Variants in PRKCA observed in about 807,000 individuals in gnomAD.
The protein encoded by PRKCA is protein kinase C alpha.
Under a neutral mutation model 87.0 loss-of-function variants are expected in PRKCA, and 27 were observed. The observed-to-expected ratio is 0.31, with a 90% confidence interval of 0.23 to 0.43. The LOEUF is 0.43. Ranked by LOEUF, PRKCA falls within the 20% of genes least tolerant of loss-of-function variation. The probability of loss-of-function intolerance (pLI) is 1.00; values close to 1 mark genes in which losing one functional copy is unlikely to be tolerated. For synonymous variants in PRKCA, 329 were observed against 311.1 expected (o/e 1.06, Z -0.61); for missense variants, 518 against 852.3 (o/e 0.61, Z 4.88).
At chr17:66,793,871 C>T (rs1285297389) in intron 16 of PRKCA, among the ~76,000 whole-genome samples, 2 of 152,170 alleles carry the variant, frequency 1.3e-5, no homozygotes, top group African/African-American at 2.4e-5. Flanking sequence ...TCTGATCCAC[C>T]GTCACTTTGA....
intron 14 of PRKCA, among the ~76,000 whole-genome samples, chr17:66,783,974 G>A (rs1975311179): frequency 6.6e-6 from 1 of 152,238 alleles, no homozygotes; most frequent in African/African-American, 2.4e-5. Flanking sequence ...TGTGCATTTG[G>A]TTTGGTGCTC....
intron 2 of PRKCA, among the ~76,000 whole-genome samples, chr17:66,311,803 T>G (rs1211095471): frequency 6.6e-6 from 1 of 152,192 alleles, no homozygotes; most frequent in Non-Finnish European, 1.5e-5. Context: ...ATTGCTACTC[T>G]TTTACTTTAT....
At chr17:66,410,576 T>C (rs1217288044) in intron 2 of PRKCA, among the ~76,000 whole-genome samples, 2 of 152,118 alleles carry the variant, frequency 1.3e-5, no homozygotes, top group African/African-American at 2.4e-5. Flanking sequence ...GTTGAACTTT[T>C]TGTTTGTTTG....
chr17:66,785,053 A>T (rs934607818), intron 14 of PRKCA, among the ~76,000 whole-genome samples: 2 of 152,218 alleles, frequency 1.3e-5, no homozygotes, highest in Admixed American at 1.3e-4. Context: ...ACAGAAAAAG[A>T]GGCCTATTTA....
intron 3 of PRKCA, among the ~76,000 whole-genome samples, chr17:66,610,517 A>G (rs1301602706): frequency 1.3e-5 from 2 of 152,086 alleles, no homozygotes; most frequent in African/African-American, 4.8e-5. Context: ...ACCCAGAGTC[A>G]CCCCATGATA....
intron 2 of PRKCA, among the ~76,000 whole-genome samples, chr17:66,362,668 T>G (rs549004106): frequency 1.6e-4 from 19 of 119,258 alleles, no homozygotes; most frequent in Non-Finnish European, 3.2e-4. Context: ...TGAGGTGCCT[T>G]GCAGGTTTTT....
chr17:66,798,947 G>A (rs796613021), intron 16 of PRKCA, among the ~76,000 whole-genome samples: 21 of 111,770 alleles, frequency 1.9e-4, no homozygotes, highest in East Asian at 6.4e-4. Context: ...GGTGGTGGTG[G>A]TGGTGGTGGT....
chr17:66,750,170 C>T (rs918682625), intron 13 of PRKCA, among the ~76,000 whole-genome samples: 1 of 151,830 alleles, frequency 6.6e-6, no homozygotes, highest in African/African-American at 2.4e-5. Flanking sequence ...AGCCAATCAG[C>T]ACCAGCAATG....
intron 2 of PRKCA, among the ~76,000 whole-genome samples, chr17:66,426,980 T>A (rs1598662523): frequency 6.6e-6 from 1 of 152,282 alleles, no homozygotes; most frequent in Middle Eastern, 3.4e-3. Flanking sequence ...CTTTATTGTT[T>A]AAGGCAGGGG....
intron 2 of PRKCA, among the ~76,000 whole-genome samples, chr17:66,312,606 G>C (rs564593667): frequency 2.0e-5 from 3 of 151,970 alleles, no homozygotes; most frequent in East Asian, 3.9e-4. Context: ...GAAAGTGCTT[G>C]TTTCAATTCT....
At chr17:66,619,492 T>G (rs1209588687) in intron 3 of PRKCA, among the ~76,000 whole-genome samples, 1 of 152,252 alleles carries the variant, frequency 6.6e-6, no homozygotes, top group Non-Finnish European at 1.5e-5. Flanking sequence ...CCTGGCACTT[T>G]CACATGGCCT....
chr17:66,426,428 A>G (rs1433783244), intron 2 of PRKCA, among the ~76,000 whole-genome samples: 4 of 152,212 alleles, frequency 2.6e-5, no homozygotes, highest in Admixed American at 1.3e-4. Flanking sequence ...TACAGGAGCA[A>G]GATTTCAGGT....
intron 13 of PRKCA, among the ~76,000 whole-genome samples, chr17:66,759,800 G>C (rs901608850): frequency 3.3e-5 from 5 of 152,338 alleles, no homozygotes; most frequent in East Asian, 1.9e-4. Flanking sequence ...ATTGCAGCTA[G>C]AGCAGACCTC....
intron 6 of PRKCA, among the ~76,000 whole-genome samples, chr17:66,687,699 C>T (rs891129659): frequency 1.3e-5 from 2 of 152,132 alleles, no homozygotes; most frequent in African/African-American, 2.4e-5. Context: ...ATGGGAAGAT[C>T]ATTCTTGCCT....
At chr17:66,781,519 A>G (rs1486670876) in intron 14 of PRKCA, among the ~76,000 whole-genome samples, 1 of 152,208 alleles carries the variant, frequency 6.6e-6, no homozygotes, top group African/African-American at 2.4e-5. Flanking sequence ...TTTCCACAGC[A>G]GGACCCAGCC....
At position 66,374,512 on chromosome 17, in the gene PRKCA, A is replaced by C. The variant is rs377757443; in HGVS notation, c.205+68385A>C. On this transcript the variant is annotated intron_variant, in intron 2 of 16. Coordinates refer to ENST00000413366, the MANE Select transcript of PRKCA (RefSeq NM_002737.3). ...CAGCCCAGCCTAGTGGAGACTTGCT[A>C]TCTGATTTCCATCATCCTCCATTCC... 4.6e-5 allele frequency among the ~76,000 whole-genome samples: 7 copies of C among 152,022 alleles called. No individual in the cohort carries two copies. The South Asian group carries it at 1.5e-3, about 32-fold the overall frequency.
At chr17:66,535,500 A>G (rs967521009) in intron 3 of PRKCA, among the ~76,000 whole-genome samples, 3 of 152,134 alleles carry the variant, frequency 2.0e-5, no homozygotes, top group African/African-American at 7.2e-5. Context: ...CCTGCTGCCA[A>G]ACAGGCCTCT....
chr17:66,661,157 G>A (rs958035743), intron 5 of PRKCA, among the ~76,000 whole-genome samples: 56 of 152,208 alleles, frequency 3.7e-4, no homozygotes, highest in African/African-American at 1.3e-3. Flanking sequence ...GGCCCTAGAC[G>A]ATTCTACAGC....
chr17:66,364,083 GAGGATCAC>G (rs1908554541), intron 2 of PRKCA: 1 of 153,008 alleles, frequency 6.5e-6, no homozygotes, highest in African/African-American at 2.4e-5. Flanking sequence ...GCTGAGGCAG[GAGGATCAC>G]TTGAGCTCAG....
Sources: gnomAD v4.1 joint callset for allele counts (sites outside exome capture counted in the v4.1 genomes callset) on GRCh38, gnomAD v4.1.1 for gene constraint, MANE v1.5 for transcripts, NCBI Gene and HGNC (gene_info 2026-07-23, HGNC 2026-07-21) for gene names.